DLGAP2: variants seen among roughly 807,000 people sequenced by gnomAD.
The protein encoded by DLGAP2 is DLG associated protein 2, also known as disks large-associated protein 2.
Under a neutral mutation model 100.3 loss-of-function variants are expected in DLGAP2, and 26 were observed. That is an observed-to-expected ratio of 0.26 (90% confidence interval 0.19 to 0.36). The LOEUF (loss-of-function observed/expected upper bound fraction) is 0.36, where lower values mean the gene tolerates loss of function less well. Among genes scored for constraint, DLGAP2 ranks in the 10% least tolerant of loss-of-function variants. DLGAP2 has a pLI of 1.00. For missense variants in DLGAP2, 1,858 were observed against 1,453.2 expected, an observed-to-expected ratio of 1.28 and a Z score of -4.53; for synonymous variants, 886 against 630.1, an observed-to-expected ratio of 1.41 and a Z score of -6.08.
chr8:1,464,236 G>GCAACCTTCCAGGACA (rs1563164748), intron 3 of DLGAP2, among the ~76,000 whole-genome samples: 3 of 34,130 alleles, frequency 8.8e-5, no homozygotes, highest in Non-Finnish European at 1.1e-4. Flanking sequence ...CTTCCAGGAC[G>GCAACCTTCCAGGACA]ACACCCTTCC....
intron 3 of DLGAP2, among the ~76,000 whole-genome samples, chr8:1,493,404 GC>G (rs1234428496): frequency 2.6e-5 from 4 of 152,168 alleles, no homozygotes; most frequent in African/African-American, 9.7e-5. Flanking sequence ...TGTGGACCGA[GC>G]GCATAGACCG....
chr8:1,588,844 C>A (rs1563240796), intron 6 of DLGAP2, among the ~76,000 whole-genome samples: 1 of 152,008 alleles, frequency 6.6e-6, no homozygotes, highest in Admixed American at 6.6e-5. Context: ...ATCCCTTGAC[C>A]CCGGGAGGTG....
At chr8:1,438,809 T>G (rs1376020612) in intron 3 of DLGAP2, among the ~76,000 whole-genome samples, 1 of 152,212 alleles carries the variant, frequency 6.6e-6, no homozygotes, top group Admixed American at 6.5e-5. Flanking sequence ...CTATGGAAAC[T>G]GCCATCCACA....
chr8:1,142,113 GT>G (rs1211113436), intron 2 of DLGAP2, among the ~76,000 whole-genome samples: 5 of 151,004 alleles, frequency 3.3e-5, no homozygotes, highest in Admixed American at 6.6e-5. Context: ...TTAGACAATC[GT>G]TTTTCCTAAG....
chr8:870,107 C>G (rs1233091670), intron 1 of DLGAP2, among the ~76,000 whole-genome samples: 1 of 151,832 alleles, frequency 6.6e-6, no homozygotes, highest in East Asian at 1.9e-4. Flanking sequence ...AAAACTATTG[C>G]TTTCTTAAGA....
chr8:1,168,931 G>A (rs1443372747), intron 2 of DLGAP2, among the ~76,000 whole-genome samples: 1 of 136,238 alleles, frequency 7.3e-6, no homozygotes, highest in Non-Finnish European at 1.6e-5. Flanking sequence ...ATTGCTTTTG[G>A]TGTTTTAGAC....
intron 4 of DLGAP2, among the ~76,000 whole-genome samples, chr8:1,539,203 C>T (rs74304039): frequency 1.3e-5 from 2 of 152,044 alleles, no homozygotes; most frequent in Admixed American, 6.6e-5. Flanking sequence ...CATCTTTTTT[C>T]GTTTGTTTTC....
Position 1,323,205 on chromosome 8 carries a change from A to G in DLGAP2, c.106+64322A>G, listed in dbSNP as rs190108227. Among the ~76,000 whole-genome samples, 323 of 151,692 alleles carry G rather than the reference A, an allele frequency of 2.1e-3. 2 individuals carry two copies. The highest frequency in any genetic ancestry group is 3.3e-3 in the Non-Finnish European group (223 of 67,920). Reference sequence around the variant, plus strand: ...CCTCCACGCCCGGCTTACTTTTTGTATTTTACTGGAGACAGGGTTTCATTG... The same window carrying G: ...CCTCCACGCCCGGCTTACTTTTTGTGTTTTACTGGAGACAGGGTTTCATTG... On this transcript the variant is annotated intron_variant, in intron 3 of 14. Transcript: ENST00000637795.
intron 3 of DLGAP2, among the ~76,000 whole-genome samples, chr8:1,462,782 C>G (rs1253816093): frequency 3.3e-5 from 5 of 152,208 alleles, no homozygotes; most frequent in Non-Finnish European, 5.9e-5. Context: ...CCTGAACAAG[C>G]CTCATCTCCG....
chr8:895,636 C>T (rs1435842925), intron 1 of DLGAP2, among the ~76,000 whole-genome samples: 2 of 152,148 alleles, frequency 1.3e-5, no homozygotes, highest in Non-Finnish European at 2.9e-5. Flanking sequence ...CAGAATAATG[C>T]AGTGTGACTT....
rs74476163 is a variant in DLGAP2 at position 1,641,534 on chromosome 8, G to A, written c.1810+8488G>A. Among the ~76,000 whole-genome samples, 424 of 152,234 alleles carry A rather than the reference G, an allele frequency of 2.8e-3. 1 individual carries two copies. Among genetic ancestry groups the A allele is most frequent in the African/African-American group, 9.7e-3 (405 of 41,540 alleles). On this transcript the variant is annotated intron_variant, in intron 8 of 14. Transcript: ENST00000637795. The stretch of plus-strand genomic sequence containing the variant: ...ATAATACGAATGAAACTAGAGCCAC[G>A]GGTTCCTGACTCATAGTCCAGGGCT...
At chr8:1,439,693 C>T (rs779019179) in intron 3 of DLGAP2, among the ~76,000 whole-genome samples, 1 of 152,152 alleles carries the variant, frequency 6.6e-6, no homozygotes, top group African/African-American at 2.4e-5. Flanking sequence ...CAGTATGTCT[C>T]CTGCTCACCT....
intron 4 of DLGAP2, among the ~76,000 whole-genome samples, chr8:1,525,114 G>A (rs1157040936): frequency 6.6e-6 from 1 of 150,848 alleles, no homozygotes; most frequent in Non-Finnish European, 1.5e-5. Flanking sequence ...ACAGCTTCTG[G>A]ATTTTCAGCT....
At chr8:1,571,736 T>C (rs1457209962) in intron 6 of DLGAP2, among the ~76,000 whole-genome samples, 61 of 83,226 alleles carry the variant, frequency 7.3e-4, no homozygotes, top group East Asian at 2.0e-3. Flanking sequence ...TCTGATGAGA[T>C]GGAGAGGAGA....
At chr8:1,599,571 A>G (rs1796561270) in intron 6 of DLGAP2, among the ~76,000 whole-genome samples, 2 of 152,164 alleles carry the variant, frequency 1.3e-5, no homozygotes, top group Admixed American at 6.5e-5. Context: ...TATTGAGTGC[A>G]TATATATTTA....
intron 1 of DLGAP2, among the ~76,000 whole-genome samples, chr8:878,705 C>G (rs945459230): frequency 1.4e-4 from 21 of 152,048 alleles, no homozygotes; most frequent in African/African-American, 5.1e-4. Context: ...GTGAGTTCTC[C>G]TGGGAATGGG....
At chr8:1,174,032 C>T (rs13267567) in intron 2 of DLGAP2, among the ~76,000 whole-genome samples, 55,437 of 151,950 alleles carry the variant, frequency 0.36, 11,997 homozygotes, top group Non-Finnish European at 0.48. Flanking sequence ...CTCCTCCGCT[C>T]GATCCCATTG....
At chr8:1,506,119 C>A (rs1444725522) in intron 4 of DLGAP2, among the ~76,000 whole-genome samples, 1 of 152,304 alleles carries the variant, frequency 6.6e-6, no homozygotes, top group South Asian at 2.1e-4. Context: ...AGAACATCAG[C>A]TAGCATAGCT....
intron 2 of DLGAP2, among the ~76,000 whole-genome samples, chr8:1,088,334 A>G (rs1804045753): frequency 6.6e-6 from 1 of 152,088 alleles, no homozygotes; most frequent in South Asian, 2.1e-4. Flanking sequence ...CAGGGCACCA[A>G]GGGCCTGGTG....
Sources: gnomAD v4.1 joint callset for allele counts (sites outside exome capture counted in the v4.1 genomes callset) on GRCh38, gnomAD v4.1.1 for gene constraint, MANE v1.5 for transcripts, NCBI Gene and HGNC (gene_info 2026-07-23, HGNC 2026-07-21) for gene names.